The following C1orf21 variants were observed in gnomAD, a reference collection of about 807,000 sequenced individuals.
C1orf21 encodes the protein uncharacterized protein C1orf21.
In C1orf21, 3 loss-of-function variants were observed where a neutral mutation model predicts 18.7. That is an observed-to-expected ratio of 0.16 (90% CI 0.07 to 0.42). The LOEUF is 0.42. Among genes scored for constraint, C1orf21 ranks in the 10% least tolerant of loss-of-function variants. The pLI, the probability that C1orf21 is intolerant of heterozygous loss-of-function variation, is 0.99. For synonymous variants in C1orf21, 41 were observed against 46.4 expected (o/e 0.88, Z 0.47); for missense variants, 104 against 143.6 (o/e 0.72, Z 1.41).
chr1:184,602,776 A>T (rs1409117119), intron 5 of C1orf21, among the ~76,000 whole-genome samples: 1 of 152,184 alleles, frequency 6.6e-6, no homozygotes, highest in African/African-American at 2.4e-5. Context: ...AAATAAATAA[A>T]TTTTTTAGGT....
chr1:184,537,075 T>A (rs968139667), intron 3 of C1orf21, among the ~76,000 whole-genome samples: 4 of 152,162 alleles, frequency 2.6e-5, no homozygotes, highest in Non-Finnish European at 5.9e-5. Context: ...AAGGCACATT[T>A]GTTATGTCTG....
intron 3 of C1orf21, among the ~76,000 whole-genome samples, chr1:184,579,494 C>CT (rs60469440): frequency 3.2e-3 from 311 of 98,140 alleles, no homozygotes; most frequent in African/African-American, 3.8e-3. Context: ...TCAAGATTTT[C>CT]TTTTTTTTTT....
intron 1 of C1orf21, among the ~76,000 whole-genome samples, chr1:184,399,059 C>CT (rs1571340522): frequency 6.6e-6 from 1 of 151,648 alleles, no homozygotes; most frequent in East Asian, 1.9e-4. Context: ...AAAATTATTA[C>CT]TTTTTTGCGT....
rs952416512 is a variant in C1orf21, at chr1:184,387,081, T to C, written c.-412T>C. ...TGCCCACTCCCGGGGGGACGTTCCG[T>C]GCCGCGGCCGCCGCGGCCGCTGCTT... On this transcript the variant is annotated 5_prime_UTR_variant, in exon 1 of 6. Coordinates refer to ENST00000235307, the MANE Select transcript of C1orf21 (RefSeq NM_030806.4). This position sits in a 1 kb window ranked among gnomAD's most constrained non-coding sequence, Gnocchi z 5.6. 1.9e-4 allele frequency: 29 copies of C among 151,494 alleles called. 1 individual carries two copies. The highest frequency in any genetic ancestry group is 1.8e-3 in the Admixed American group (28 of 15,276). The allele number at this position is 151,494 out of a possible 1,614,324, so 9.4% of individuals were successfully genotyped here. A position where few individuals can be genotyped will look rare whatever the true frequency, so the allele number is the denominator to read the frequency against.
chr1:184,439,477 TC>T (rs1325060916), intron 1 of C1orf21, among the ~76,000 whole-genome samples: 1 of 151,520 alleles, frequency 6.6e-6, no homozygotes, highest in African/African-American at 2.4e-5. Context: ...TCAAACTCAC[TC>T]TATAGGAGCC....
At chr1:184,399,636 T>C (rs1656118182) in intron 1 of C1orf21, among the ~76,000 whole-genome samples, 1 of 152,190 alleles carries the variant, frequency 6.6e-6, no homozygotes, top group Non-Finnish European at 1.5e-5. Flanking sequence ...ATTATAGGCA[T>C]GAGCCACCAC....
rs1336248026 is a variant in C1orf21 at position 184,628,568 on chromosome 1, A to G, written c.*9012A>G. The G allele has an allele frequency of 6.6e-6, 1 of 152,604 alleles. No homozygotes were observed. Among genetic ancestry groups the G allele is most frequent in the Non-Finnish European group, 1.5e-5 (1 of 68,040 alleles). The allele number at this position is 152,604 out of a possible 1,614,324, so 9.5% of individuals were successfully genotyped here. ...CTAAGGCAGAATCCCCAGGAACTTC[A>G]AATCTGGGAGATGAGGAAAGAAAAC... On this transcript the variant is annotated 3_prime_UTR_variant, in exon 6 of 6. Coordinates refer to ENST00000235307, the MANE Select transcript of C1orf21 (RefSeq NM_030806.4).
chr1:184,454,535 G>T (rs1035316510), intron 1 of C1orf21, among the ~76,000 whole-genome samples: 1 of 152,142 alleles, frequency 6.6e-6, no homozygotes, highest in Non-Finnish European at 1.5e-5. Flanking sequence ...GATGTTGGAG[G>T]TGGGGCCTGG....
intron 2 of C1orf21, among the ~76,000 whole-genome samples, chr1:184,481,957 G>T (rs902840712): frequency 2.6e-5 from 4 of 152,116 alleles, no homozygotes; most frequent in South Asian, 2.1e-4. Flanking sequence ...AAATTAATTC[G>T]CAAGGAGAAG....
At chr1:184,486,153 G>A (rs752160258) in intron 2 of C1orf21, among the ~76,000 whole-genome samples, 2 of 152,186 alleles carry the variant, frequency 1.3e-5, no homozygotes, top group Non-Finnish European at 2.9e-5. Context: ...AAGTAAAAGT[G>A]CTCAGCCCAG....
intron 3 of C1orf21, among the ~76,000 whole-genome samples, chr1:184,545,365 T>C (rs556633359): frequency 1.3e-5 from 2 of 152,380 alleles, no homozygotes; most frequent in South Asian, 2.1e-4. Context: ...GTAATAGTGC[T>C]ATATGGCTTG....
intron 1 of C1orf21, among the ~76,000 whole-genome samples, chr1:184,474,236 A>G (rs759228324): frequency 2.0e-5 from 3 of 152,206 alleles, no homozygotes; most frequent in Non-Finnish European, 2.9e-5. Context: ...CAAAATCTAT[A>G]CCTATTTATA....
intron 1 of C1orf21, among the ~76,000 whole-genome samples, chr1:184,439,924 A>T (rs1228145314): frequency 6.6e-6 from 1 of 152,248 alleles, no homozygotes; most frequent in Admixed American, 6.5e-5. Context: ...GTGGTTGTTA[A>T]TTTAGAAAAA....
chr1:184,406,678 C>T (rs976678572), intron 1 of C1orf21, among the ~76,000 whole-genome samples: 1 of 152,138 alleles, frequency 6.6e-6, no homozygotes, highest in Non-Finnish European at 1.5e-5. Flanking sequence ...CTTTAATGGG[C>T]CAGCTGCATG....
intron 3 of C1orf21, among the ~76,000 whole-genome samples, chr1:184,549,388 CTG>C (rs570200511): frequency 1.2e-3 from 184 of 152,206 alleles, no homozygotes; most frequent in Non-Finnish European, 2.3e-3. Context: ...ATCTTCAAAT[CTG>C]TTTATTTGCA....
At chr1:184,565,151 G>T (rs749490686) in intron 3 of C1orf21, among the ~76,000 whole-genome samples, 66 of 152,128 alleles carry the variant, frequency 4.3e-4, no homozygotes, top group Non-Finnish European at 8.1e-4. Context: ...AGGTTGACCT[G>T]GTTACTTTTC....
At chr1:184,600,678 T>C (rs904251106) in intron 5 of C1orf21, among the ~76,000 whole-genome samples, 5 of 152,172 alleles carry the variant, frequency 3.3e-5, no homozygotes, top group African/African-American at 1.2e-4. Context: ...AAAAGAGCAT[T>C]GGTAGATTCA....
intron 2 of C1orf21, among the ~76,000 whole-genome samples, chr1:184,500,774 A>T (rs1291706895): frequency 1.3e-5 from 2 of 152,138 alleles, no homozygotes; most frequent in Non-Finnish European, 2.9e-5. Context: ...TTCCCCTAGG[A>T]TAAGTCATGA....
intron 3 of C1orf21, among the ~76,000 whole-genome samples, chr1:184,560,460 G>A (rs1264691515): frequency 1.3e-5 from 2 of 152,102 alleles, no homozygotes; most frequent in East Asian, 1.9e-4. Context: ...CAGCAAAACC[G>A]CACTGGTTCA....
Sources: gnomAD v4.1 joint callset for allele counts (sites outside exome capture counted in the v4.1 genomes callset) on GRCh38, gnomAD v4.1.1 for gene constraint, Gnocchi (gnomAD v3.1) non-coding constraint, MANE v1.5 for transcripts, NCBI Gene and HGNC (gene_info 2026-07-23, HGNC 2026-07-21) for gene names.